The following TTC39B variants were observed in gnomAD, a reference collection of about 807,000 sequenced individuals.
TTC39B encodes the protein tetratricopeptide repeat domain 39B, also known as tetratricopeptide repeat protein 39B.
TTC39B carries 92 observed loss-of-function variants against 96.6 expected under a neutral mutation model. The ratio of observed to expected loss-of-function variants is 0.95; its 90% CI spans 0.80 to 1.13. The LOEUF is 1.13. Ranked by LOEUF, TTC39B falls within the 50% of genes most tolerant of loss-of-function variation. The pLI is 0.00. For missense variants in TTC39B, 955 were observed against 809.3 expected (o/e 1.18, Z -2.18); for synonymous variants, 367 against 299.4 (o/e 1.23, Z -2.33).
intron 2 of TTC39B, among the ~76,000 whole-genome samples, chr9:15,257,103 T>G (rs977836822): frequency 6.6e-6 from 1 of 152,222 alleles, no homozygotes; most frequent in African/African-American, 2.4e-5. Flanking sequence ...GACAACAGTC[T>G]TGTGATTTTT....
intron 4 of TTC39B, among the ~76,000 whole-genome samples, chr9:15,213,452 T>C (rs1820324339): frequency 6.6e-6 from 1 of 152,190 alleles, no homozygotes; most frequent in South Asian, 2.1e-4. Context: ...TCAATCAATC[T>C]CTAAGATTCA....
chr9:15,211,163 C>G, intron 5 of TTC39B, 103 bp downstream of exon 5: 4 of 1,305,040 alleles, frequency 3.1e-6, no homozygotes, highest in Non-Finnish European at 4.0e-6. Context: ...TAACTGTGGC[C>G]AATTTCAAAC....
At chr9:15,293,039 C>T (rs1330330593) in intron 1 of TTC39B, among the ~76,000 whole-genome samples, 2 of 152,244 alleles carry the variant, frequency 1.3e-5, no homozygotes, top group African/African-American at 2.4e-5. Flanking sequence ...AGAGCAACTT[C>T]CAGTCCTGCA....
intron 3 of TTC39B, among the ~76,000 whole-genome samples, chr9:15,224,934 C>T (rs1821040397): frequency 6.6e-6 from 1 of 152,150 alleles, no homozygotes; most frequent in Admixed American, 6.5e-5. Flanking sequence ...AGAACACACG[C>T]ATAGCTGAAA....
In TTC39B at chr9:15,190,502, T is replaced by C. The variant is rs1446870924; in HGVS notation, c.1105+52A>G. The C allele has an allele frequency of 1.6e-5, 24 of 1,537,988 alleles. No homozygotes were observed. In the Admixed American group the frequency reaches 1.8e-4, roughly 12 times the overall value. ...TTGGGATTACAGGTGTAACACACCA[T>C]GTCTGGCCAAGACAATCAATGTTCA... On this transcript the variant is annotated intron_variant, in intron 11 of 19. Transcript: ENST00000512701.
chr9:15,173,057 A>G (rs1047507073), intron 19 of TTC39B, among the ~76,000 whole-genome samples: 1 of 152,106 alleles, frequency 6.6e-6, no homozygotes, highest in Non-Finnish European at 1.5e-5. Context: ...AATTGTCAGT[A>G]TTGTCTTGAG....
chr9:15,267,005 G>C (rs1228416389), intron 2 of TTC39B, among the ~76,000 whole-genome samples: 1 of 152,156 alleles, frequency 6.6e-6, no homozygotes, highest in Non-Finnish European at 1.5e-5. Context: ...CGTGAACCTG[G>C]GAGGCGGAGC....
At chr9:15,251,380 T>A (rs949062825) in intron 2 of TTC39B, among the ~76,000 whole-genome samples, 2 of 151,430 alleles carry the variant, frequency 1.3e-5, no homozygotes, top group African/African-American at 4.9e-5. Context: ...CTGACCAACA[T>A]GGAGAAACCC....
intron 1 of TTC39B, among the ~76,000 whole-genome samples, chr9:15,278,207 A>G (rs549331184): frequency 6.6e-6 from 1 of 152,340 alleles, no homozygotes; most frequent in East Asian, 1.9e-4. Flanking sequence ...CTTAAAAGAA[A>G]AATCGTGTAT....
intron 2 of TTC39B, among the ~76,000 whole-genome samples, chr9:15,229,292 C>T (rs1052273574): frequency 2.0e-5 from 3 of 152,160 alleles, no homozygotes; most frequent in Non-Finnish European, 4.4e-5. Context: ...GGAAACAAGG[C>T]AAAAGGAAGA....
At chr9:15,195,409 A>G (rs903556918) in intron 8 of TTC39B, among the ~76,000 whole-genome samples, 1 of 152,154 alleles carries the variant, frequency 6.6e-6, no homozygotes, top group Non-Finnish European at 1.5e-5. Flanking sequence ...GGTGGCTCAC[A>G]CCTGTAATCT....
At chr9:15,264,663 A>AAAAG (rs1199224133) in intron 2 of TTC39B, among the ~76,000 whole-genome samples, 2 of 150,726 alleles carry the variant, frequency 1.3e-5, no homozygotes, top group African/African-American at 4.9e-5. Context: ...TTAAAAAAAA[A>AAAAG]AAAAAAAAAG....
rs375102572 is a variant in TTC39B at position 15,290,132 on chromosome 9, G to C, written c.240+16952C>G. Reference sequence around the variant, plus strand: ...TTTTTAATTATTTTAAGTATTACAAGTGTACTAAAGTGAGAAAAAAATGGT... The same window carrying C: ...TTTTTAATTATTTTAAGTATTACAACTGTACTAAAGTGAGAAAAAAATGGT... On this transcript the variant is annotated intron_variant, in intron 1 of 19. Coordinates refer to ENST00000512701, the Ensembl canonical transcript of TTC39B. Among the ~76,000 whole-genome samples, 66 of 152,204 alleles carry C rather than the reference G, an allele frequency of 4.3e-4. No homozygotes were observed. In the South Asian group the frequency reaches 0.014, roughly 32 times the overall value.
chr9:15,305,084 C>A (rs1485149532), intron 1 of TTC39B, among the ~76,000 whole-genome samples: 1 of 152,036 alleles, frequency 6.6e-6, no homozygotes, highest in Non-Finnish European at 1.5e-5. Context: ...TATTTGCGCA[C>A]CCAGTAAAAT....
At chr9:15,232,187 G>C (rs930071261) in intron 2 of TTC39B, 1 of 152,668 alleles carries the variant, frequency 6.6e-6, no homozygotes, top group Non-Finnish European at 1.5e-5. Context: ...ATACCCATCT[G>C]CTTGTGCGGC....
At chr9:15,231,171 G>C (rs954288281) in intron 2 of TTC39B, among the ~76,000 whole-genome samples, 1 of 151,908 alleles carries the variant, frequency 6.6e-6, no homozygotes, top group African/African-American at 2.4e-5. Context: ...TGATTTTTCC[G>C]ATTTTTTTAA....
intron 1 of TTC39B, among the ~76,000 whole-genome samples, chr9:15,280,490 C>G (rs1302525351): frequency 6.6e-6 from 1 of 152,172 alleles, no homozygotes; most frequent in Non-Finnish European, 1.5e-5. Flanking sequence ...AATTATTTAG[C>G]CCAAAAAACT....
intron 1 of TTC39B, among the ~76,000 whole-genome samples, chr9:15,288,927 T>A (rs1587014882): frequency 6.6e-6 from 1 of 151,990 alleles, no homozygotes; most frequent in Non-Finnish European, 1.5e-5. Flanking sequence ...ATGAGGGGAG[T>A]CAGGGAACTC....
chr9:15,198,461 A>AAAAT (rs1554768110), intron 8 of TTC39B, among the ~76,000 whole-genome samples: 1 of 117,320 alleles, frequency 8.5e-6, no homozygotes, highest in East Asian at 2.3e-4. Flanking sequence ...CGGTCGCAAA[A>AAAAT]ATATATATAT....
Sources: gnomAD v4.1 joint callset for allele counts (sites outside exome capture counted in the v4.1 genomes callset) on GRCh38, gnomAD v4.1.1 for gene constraint, MANE v1.5 for transcripts, NCBI Gene and HGNC (gene_info 2026-07-23, HGNC 2026-07-21) for gene names.